Variants in MEIS1 observed in about 807,000 individuals in gnomAD.
MEIS1 encodes the protein homeobox protein Meis1.
In MEIS1, 5 loss-of-function variants were observed where a neutral mutation model predicts 50.8. The observed-to-expected ratio is 0.10, with a 90% CI of 0.05 to 0.21. MEIS1 has a LOEUF of 0.21. MEIS1 is among the 10% of genes least tolerant of loss of function. The pLI, the probability that MEIS1 is intolerant of heterozygous loss-of-function variation, is 1.00. For missense variants in MEIS1, 318 were observed against 517.3 expected (o/e 0.61, Z 3.74); for synonymous variants, 176 against 179.3 (o/e 0.98, Z 0.15).
intron 4 of MEIS1, 117 bp from the exon 5 acceptor site, chr2:66,441,297 T>C: frequency 3.7e-6 from 3 of 818,510 alleles, no homozygotes; most frequent in Non-Finnish European, 5.6e-6. Context: ...GTTATTGCCA[T>C]AAATCAAAAT....
At chr2:66,534,311 G>A (rs989797480) in intron 8 of MEIS1, among the ~76,000 whole-genome samples, 2 of 152,124 alleles carry the variant, frequency 1.3e-5, no homozygotes, top group African/African-American at 4.8e-5. Context: ...CAAGGCGGGC[G>A]GATCACGAGG....
intron 7 of MEIS1, among the ~76,000 whole-genome samples, chr2:66,483,605 G>A (rs78023721): frequency 0.024 from 3,585 of 152,314 alleles, 60 homozygotes; most frequent in Middle Eastern, 0.051. Flanking sequence ...TACCTGAGGA[G>A]GCAGTGATGA....
chr2:66,561,117 C>G (rs1675203006), intron 9 of MEIS1, among the ~76,000 whole-genome samples: 1 of 151,954 alleles, frequency 6.6e-6, no homozygotes, highest in African/African-American at 2.4e-5. Flanking sequence ...AGAGTTCCAA[C>G]AGAAAAATTT....
At chr2:66,439,738 G>A in intron 2 of MEIS1, 105 bp from the exon 3 acceptor site, 1 of 1,595,084 alleles carries the variant, frequency 6.3e-7, no homozygotes, top group South Asian at 1.1e-5. Flanking sequence ...CAATCGGAGA[G>A]GGGGTCTGTT....
intron 9 of MEIS1, among the ~76,000 whole-genome samples, chr2:66,565,023 C>A (rs150843710): frequency 6.6e-6 from 1 of 152,004 alleles, no homozygotes; most frequent in Non-Finnish European, 1.5e-5. Flanking sequence ...GTGGTGAGTG[C>A]TGTATTAGTT....
At chr2:66,487,895 G>A (rs1673179946) in intron 7 of MEIS1, among the ~76,000 whole-genome samples, 1 of 152,222 alleles carries the variant, frequency 6.6e-6, no homozygotes, top group Non-Finnish European at 1.5e-5. Context: ...TATGCTGAAG[G>A]TCAGTTAAGT....
chr2:66,512,999 G>C (rs970575598), intron 8 of MEIS1, among the ~76,000 whole-genome samples: 3 of 152,112 alleles, frequency 2.0e-5, no homozygotes, highest in Non-Finnish European at 4.4e-5. Context: ...TTATGCCACT[G>C]GGGGATTTGT....
At chr2:66,537,851 G>A (rs1424345461) in intron 8 of MEIS1, among the ~76,000 whole-genome samples, 1 of 152,184 alleles carries the variant, frequency 6.6e-6, no homozygotes, top group African/African-American at 2.4e-5. Flanking sequence ...TGAAATTGTA[G>A]AGATGGGCTA....
At chr2:66,443,252 G>A in intron 6 of MEIS1, 1 of 534,920 alleles carries the variant, frequency 1.9e-6, no homozygotes, top group South Asian at 3.1e-5. Context: ...GAAGAGATGA[G>A]CTTGTAAAAG....
chr2:66,567,577 G>T, intron 10 of MEIS1, 66 bp downstream of exon 10: 1 of 1,470,290 alleles, frequency 6.8e-7, no homozygotes. Context: ...CCATTCACCG[G>T]GAGGTCCGCT....
At chr2:66,555,904 C>G (rs1180574202) in intron 9 of MEIS1, among the ~76,000 whole-genome samples, 1 of 152,086 alleles carries the variant, frequency 6.6e-6, no homozygotes, top group Non-Finnish European at 1.5e-5. Context: ...GCCAGGGGCT[C>G]GGGGGAAGGA....
At chr2:66,449,554 TCCAGGAAGTATACCTACATTGGCCAA>T (rs1672232576) in intron 6 of MEIS1, among the ~76,000 whole-genome samples, 3 of 152,088 alleles carry the variant, frequency 2.0e-5, no homozygotes, top group Non-Finnish European at 4.4e-5. Flanking sequence ...AAACAGACTC[TCCAGGAAGTATACCTACATTGGCCAA>T]TTGCTGGAAT....
intron 7 of MEIS1, 54 bp from the exon 8 acceptor site, chr2:66,512,095 G>C: frequency 6.7e-7 from 1 of 1,490,038 alleles, no homozygotes; most frequent in Non-Finnish European, 8.9e-7. Context: ...CATTCTATTT[G>C]AATAAAGCAT....
At chr2:66,440,460 A>G in intron 3 of MEIS1, 102 bp from the exon 4 acceptor site, 3 of 987,742 alleles carry the variant, frequency 3.0e-6, no homozygotes, top group Non-Finnish European at 4.8e-6. Context: ...CCTGCCCCCG[A>G]CAGTGTAATG....
rs117255408 is a variant in MEIS1 at position 66,523,789 on chromosome 2, T to C, written c.888+11495T>C. The stretch of plus-strand genomic sequence containing the variant: ...AACATGTCACGTAGGTTGACTGTCA[T>C]AGCGTGTGGAATTGTGGAGCTATTC... On this transcript the variant is annotated intron_variant, in intron 8 of 12. Coordinates refer to ENST00000272369, the MANE Select transcript of MEIS1 (RefSeq NM_002398.3). 2.2e-3 allele frequency among the ~76,000 whole-genome samples: 337 copies of C among 152,354 alleles called. 7 individuals carry two copies. In the East Asian group the frequency reaches 0.058, roughly 26 times the overall value.
chr2:66,507,812 G>T (rs1673720781), intron 7 of MEIS1, among the ~76,000 whole-genome samples: 1 of 152,220 alleles, frequency 6.6e-6, no homozygotes, highest in Non-Finnish European at 1.5e-5. Context: ...CAGTCTAAAT[G>T]CCTGGGCATG....
At chr2:66,527,804 C>T (rs1238170313) in intron 8 of MEIS1, among the ~76,000 whole-genome samples, 1 of 152,096 alleles carries the variant, frequency 6.6e-6, no homozygotes, top group Non-Finnish European at 1.5e-5. Context: ...GTTATGTTAC[C>T]CACCATAAAT....
At chr2:66,563,292 AT>A (rs1183526026) in intron 9 of MEIS1, among the ~76,000 whole-genome samples, 1 of 152,208 alleles carries the variant, frequency 6.6e-6, no homozygotes, top group East Asian at 1.9e-4. Context: ...TGGAGAATGT[AT>A]TTTTTATAGT....
In MEIS1 at chr2:66,571,281, G is replaced by A. The variant is rs753633264; in HGVS notation, c.*73G>A. 1.3e-6 allele frequency: 2 copies of A among 1,596,268 alleles called. No individual in the cohort carries two copies. The highest frequency in any genetic ancestry group is 4.5e-5 in the East Asian group (2 of 44,044). ...TATGCCAGGGGAGTATGTAGCCCGG[G>A]GTGGTCCAATGGGTGTGAGTATGGG... On this transcript the variant is annotated 3_prime_UTR_variant, in exon 13 of 13. Coordinates refer to ENST00000272369, the MANE Select transcript of MEIS1 (RefSeq NM_002398.3).
Sources: gnomAD v4.1 joint callset for allele counts (sites outside exome capture counted in the v4.1 genomes callset) on GRCh38, gnomAD v4.1.1 for gene constraint, MANE v1.5 for transcripts, NCBI Gene and HGNC (gene_info 2026-07-23, HGNC 2026-07-21) for gene names.